Variants in TBX3 observed in about 807,000 individuals in gnomAD.
TBX3 encodes the protein T-box transcription factor 3.
Under a neutral mutation model 47.8 loss-of-function variants are expected in TBX3, and 11 were observed. That is an observed-to-expected ratio of 0.23 (90% CI 0.14 to 0.38). The LOEUF (loss-of-function observed/expected upper bound fraction) is 0.38, where lower values mean the gene tolerates loss of function less well. TBX3 is among the 10% of genes least tolerant of loss of function. The pLI, the probability that TBX3 is intolerant of heterozygous loss-of-function variation, is 1.00. For missense variants in TBX3, 927 were observed against 1,022.8 expected, an observed-to-expected ratio of 0.91 and a Z score of 1.28; for synonymous variants, 500 against 449.3, an observed-to-expected ratio of 1.11 and a Z score of -1.43.
In TBX3 at chr12:114,671,493, C is replaced by T. The variant is rs759936081; in HGVS notation, c.*348G>A. ...GGAAAAATATATATATAAATCCGCA[C>T]TGAGGGAGATGTCTTTGAACACCTC... On this transcript the variant is annotated 3_prime_UTR_variant, in exon 7 of 7. Coordinates refer to ENST00000349155, the MANE Select transcript of TBX3 (RefSeq NM_005996.4). 1 of 409,494 alleles carries T rather than the reference C, an allele frequency of 2.4e-6. No homozygotes were observed. The highest frequency in any genetic ancestry group is 4.4e-6 in the Non-Finnish European group (1 of 225,328). The allele number at this position is 409,494 out of a possible 1,614,324, so 25.4% of individuals were successfully genotyped here.
At position 114,672,289 on chromosome 12, in the gene TBX3, G is replaced by A. The variant is rs867417931; in HGVS notation, c.1724C>T (p.Ser575Phe). The change falls in exon 7 of 7, where the codon TCC becomes TTC. Residue 575 changes from serine (S) to phenylalanine (F), a missense_variant. Coordinates refer to ENST00000349155, the MANE Select transcript of TBX3 (RefSeq NM_005996.4). ...HVLASQGLAM[S>F]PFGSLFPYPY... Reference sequence around the variant, plus strand: ...GTAAGGGAACAGGCTTCCGAAAGGGGACATGGCCAGGCCCTGGGGTGAGAA... The same window carrying A: ...GTAAGGGAACAGGCTTCCGAAAGGGAACATGGCCAGGCCCTGGGGTGAGAA... 6.4e-7 allele frequency: 1 copy of A among 1,563,980 alleles called. No individual in the cohort carries two copies. Among genetic ancestry groups the A allele is most frequent in the Non-Finnish European group, 8.7e-7 (1 of 1,155,830 alleles).
At chr12:114,680,709 C>T in intron 2 of TBX3, 170 bp downstream of exon 2, 1 of 977,064 alleles carries the variant, frequency 1.0e-6, no homozygotes, top group Non-Finnish European at 1.6e-6. Flanking sequence ...GCCAGGCCTT[C>T]CATTATTTGG....
At chr12:114,681,191 C>A in intron 1 of TBX3, 45 bp from the exon 2 acceptor site, 1 of 1,609,806 alleles carries the variant, frequency 6.2e-7, no homozygotes. Flanking sequence ...ATAAACCACC[C>A]GTAATCTTGG....
rs1173844024 is a variant in TBX3, at chr12:114,671,194, AAATAC to A, written c.*642_*646del. On this transcript the variant is annotated 3_prime_UTR_variant, in exon 7 of 7. Coordinates refer to ENST00000349155, the MANE Select transcript of TBX3 (RefSeq NM_005996.4). ...AGCAAGCGTTCAAAATAAAAACCAC[AAATAC>A]ATTACTGTGGACATGCAAGAAGAGA... 4.5e-6 allele frequency: 1 copy of A among 221,830 alleles called. No individual in the cohort carries two copies. Among genetic ancestry groups the A allele is most frequent in the Non-Finnish European group, 9.0e-6 (1 of 111,074 alleles). The allele number at this position is 221,830 out of a possible 1,614,324, so 13.7% of individuals were successfully genotyped here. A position where few individuals can be genotyped will look rare whatever the true frequency, so the allele number is the denominator to read the frequency against.
rs1061657 is a variant in TBX3, at chr12:114,670,331, T to C, written c.*1510A>G. The C allele has an allele frequency of 0.24, 54,680 of 223,952 alleles. 7,702 individuals are homozygous for C. Among genetic ancestry groups the C allele is most frequent in the Admixed American group, 0.39 (6,857 of 17,448 alleles). 13.9% of individuals were successfully genotyped at this position (223,952 alleles called of 1,614,324 possible). A position where few individuals can be genotyped will look rare whatever the true frequency, so the allele number is the denominator to read the frequency against. ...GGAAAAATACAGAAAACCAAAGAAC[T>C]CATCAACAACTATAACACAAAATAT... On this transcript the variant is annotated 3_prime_UTR_variant, in exon 7 of 7. Coordinates refer to ENST00000349155, the MANE Select transcript of TBX3 (RefSeq NM_005996.4).
In TBX3 at chr12:114,671,197, T is replaced by C; in HGVS notation, c.*644A>G. On this transcript the variant is annotated 3_prime_UTR_variant, in exon 7 of 7. Coordinates refer to ENST00000349155, the MANE Select transcript of TBX3 (RefSeq NM_005996.4). ...AAGCGTTCAAAATAAAAACCACAAA[T>C]ACATTACTGTGGACATGCAAGAAGA... is the stretch of plus-strand genomic sequence containing the variant. 2 of 221,816 alleles carry C rather than the reference T, an allele frequency of 9.0e-6. No individual in the cohort carries two copies. Among genetic ancestry groups the C allele is most frequent in the Non-Finnish European group, 1.8e-5 (2 of 111,104 alleles). The allele number at this position is 221,816 out of a possible 1,614,324, so 13.7% of individuals were successfully genotyped here.
rs1295791270 is a variant in TBX3 at position 114,674,524 on chromosome 12, G to A, written c.1351C>T (p.Arg451Cys). Residue 451 changes from arginine to cysteine, a missense_variant, in exon 6 of 7, where the codon CGC (arginine) becomes TGC (cysteine). This residue lies in a region of TBX3 where 623 missense variants were observed against 569.0 expected (regional missense o/e 1.09). Transcript: ENST00000349155. ...GTAPAKVEEA[R>C]ALPGKEAFAP... ...AAGGCCTCCTTGCCCGGGAGCGCGC[G>A]CGCCTCTTCCACCTTGGCCGGCGCT... 2.0e-6 allele frequency: 3 copies of A among 1,517,802 alleles called. No individual in the cohort carries two copies. Among genetic ancestry groups the A allele is most frequent in the African/African-American group, 1.4e-5 (1 of 72,238 alleles). The allele number at this position is 1,517,802 out of a possible 1,614,324, so 94.0% of individuals were successfully genotyped here. A position where few individuals can be genotyped will look rare whatever the true frequency, so the allele number is the denominator to read the frequency against.
rs1411148419 is a variant in TBX3 at position 114,670,258 on chromosome 12, A to G, written c.*1583T>C. 1 of 211,226 alleles carries G rather than the reference A, an allele frequency of 4.7e-6. No homozygotes were observed. Among genetic ancestry groups the G allele is most frequent in the Non-Finnish European group, 9.6e-6 (1 of 104,356 alleles). 13.1% of individuals were successfully genotyped at this position (211,226 alleles called of 1,614,324 possible). A position where few individuals can be genotyped will look rare whatever the true frequency, so the allele number is the denominator to read the frequency against. On this transcript the variant is annotated 3_prime_UTR_variant, in exon 7 of 7. Transcript: ENST00000349155. ...AACATTTAACACAAGGCCCAAAGAC[A>G]TTTCAATAAAAATTTATTGAAATTT...
intron 5 of TBX3, 124 bp downstream of exon 5, chr12:114,676,189 A>T: frequency 1.6e-6 from 2 of 1,263,208 alleles, no homozygotes; most frequent in Non-Finnish European, 2.2e-6. Context: ...GCTTCTGTTT[A>T]AGGATGTTTA....
intron 2 of TBX3, 39 bp downstream of exon 2, chr12:114,680,840 G>A: frequency 2.5e-6 from 4 of 1,613,952 alleles, no homozygotes; most frequent in Non-Finnish European, 3.4e-6. Flanking sequence ...ACTGAGTGAA[G>A]GAGGAGAAAA....
intron 2 of TBX3, chr12:114,680,048 C>T (rs1006334119): frequency 7.5e-6 from 11 of 1,474,264 alleles, no homozygotes; most frequent in South Asian, 1.2e-5. Flanking sequence ...AATTGACGAG[C>T]CCAATCCACT....
In TBX3 at chr12:114,682,766, G is replaced by A. The variant is rs779829279; in HGVS notation, c.389+46C>T. On this transcript the variant is annotated intron_variant, in intron 1 of 6. Coordinates refer to ENST00000349155, the MANE Select transcript of TBX3 (RefSeq NM_005996.4). ...TCTGGGAGCAGAGAAATAAAGGGAG[G>A]AAAAAACTCTCCAACAGCTTAGGGG... 2.5e-6 allele frequency: 4 copies of A among 1,613,702 alleles called. No homozygotes were observed. The South Asian group carries it at 3.3e-5, about 13-fold the overall frequency.
intron 5 of TBX3, 73 bp downstream of exon 5, chr12:114,676,240 G>A (rs1270260393): frequency 1.9e-6 from 3 of 1,596,200 alleles, no homozygotes; most frequent in Admixed American, 1.7e-5. Context: ...CCTGGTTGGT[G>A]CCCCATCCCC....
intron 5 of TBX3, 113 bp downstream of exon 5, chr12:114,676,200 G>C: frequency 7.2e-7 from 1 of 1,380,890 alleles, no homozygotes; most frequent in Non-Finnish European, 1.0e-6. Context: ...AGGATGTTTA[G>C]AAGGCTTCTA....
chr12:114,677,529 TA>T (rs763794799), intron 4 of TBX3, 50 bp downstream of exon 4: 5 of 1,585,672 alleles, frequency 3.2e-6, no homozygotes, highest in East Asian at 2.2e-5. Flanking sequence ...AGTTGGATCC[TA>T]AAAAAAGGGA....
intron 4 of TBX3, 102 bp downstream of exon 4, chr12:114,677,478 C>T: frequency 8.8e-7 from 1 of 1,136,758 alleles, no homozygotes; most frequent in East Asian, 2.5e-5. Flanking sequence ...TTTCCACCCG[C>T]TCTTAGGATA....
At position 114,684,071 on chromosome 12, in the gene TBX3, G is replaced by GGAGGGA. The variant is rs112192237; in HGVS notation, c.-872_-871insTCCCTC. On this transcript the variant is annotated 5_prime_UTR_variant, in exon 1 of 7. Transcript: ENST00000349155. ...TGGAACAGAGGGAAAGAGAGGGAGG[G>GGAGGGA]GAGAGAGAGAGAGAGAGAGAGAGAC... is the stretch of plus-strand genomic sequence containing the variant. 1.8e-5 allele frequency: 4 copies of GGAGGGA among 221,194 alleles called. No homozygotes were observed. The highest frequency in any genetic ancestry group is 1.9e-4 in the South Asian group (1 of 5,248). The allele number at this position is 221,194 out of a possible 1,614,324, so 13.7% of individuals were successfully genotyped here.
rs908537373 is a variant in TBX3 at position 114,676,306 on chromosome 12, G to T, written c.1039+7C>A. On this transcript the variant is annotated splice_region_variant and intron_variant, in intron 5 of 6. Transcript: ENST00000349155. The stretch of plus-strand genomic sequence containing the variant: ...AGTCCAGTGATCACAAAGGTGACAT[G>T]GTTTACCTTTGAGGTTCGATGTCCC... 2 of 1,613,486 alleles carry T rather than the reference G, an allele frequency of 1.2e-6. No individual in the cohort carries two copies. Among genetic ancestry groups the T allele is most frequent in the African/African-American group, 2.7e-5 (2 of 75,028 alleles).
At chr12:114,673,587 A>C (rs1868553338) in intron 6 of TBX3, among the ~76,000 whole-genome samples, 1 of 152,204 alleles carries the variant, frequency 6.6e-6, no homozygotes. Context: ...ACTCCTACTC[A>C]GGAAGTAGTC....
Sources: allele counts gnomAD v4.1 joint callset (sites outside exome capture counted in the v4.1 genomes callset), GRCh38; gene constraint gnomAD v4.1.1; regional missense constraint gnomAD v4.1.1; transcripts MANE v1.5; gene names NCBI Gene and HGNC (gene_info 2026-07-23, HGNC 2026-07-21).